The following DMD variants were observed in gnomAD, a reference collection of about 807,000 sequenced individuals.
DMD encodes the protein dystrophin.
A neutral mutation model predicts 330.1 loss-of-function variants in DMD; 63 were observed. That is an observed-to-expected ratio of 0.19 (90% CI 0.16 to 0.24). DMD has a LOEUF of 0.24. Among genes scored for constraint, DMD ranks in the 10% least tolerant of loss-of-function variants. The pLI, the probability that DMD is intolerant of heterozygous loss-of-function variation, is 1.00. For synonymous variants in DMD, 1,223 were observed against 959.8 expected, an observed-to-expected ratio of 1.27 and a Z score of -5.07; for missense variants, 3,344 against 2,684.1, an observed-to-expected ratio of 1.25 and a Z score of -5.43.
At chrX:32,483,558 C>T (rs971196851) in intron 21 of DMD, among the ~76,000 whole-genome samples, 1 of 109,075 alleles carries the variant, frequency 9.2e-6, no homozygotes, top group Admixed American at 9.9e-5. Context: ...GAAATGGCTC[C>T]TTTGCACAAC....
chrX:33,253,825 C>G (rs947306203), intron 1 of DMD, among the ~76,000 whole-genome samples: 1 of 110,885 alleles, frequency 9.0e-6, no homozygotes, highest in African/African-American at 3.3e-5. Context: ...AAACTCTAAT[C>G]CCCATTCTTA....
intron 4 of DMD, among the ~76,000 whole-genome samples, chrX:32,837,582 C>A (rs2079764857): frequency 1.8e-5 from 2 of 111,737 alleles, no homozygotes; most frequent in Admixed American, 1.9e-4. Flanking sequence ...ATAGTTTCTT[C>A]CTTTAATCCT....
At chrX:32,644,062 A>C (rs2059636133) in intron 11 of DMD, 70 bp downstream of exon 11, 2 of 953,736 alleles carry the variant, frequency 2.1e-6, no homozygotes, top group Non-Finnish European at 2.9e-6. Flanking sequence ...TAACCATCAA[A>C]CCACATCAAA....
At chrX:31,261,102 A>C in intron 62 of DMD, 86 bp from the exon 63 acceptor site, 1 of 855,629 alleles carries the variant, frequency 1.2e-6, no homozygotes, top group Non-Finnish European at 1.7e-6. Context: ...AATAACAACA[A>C]CATGATTTTT....
chrX:32,809,259 A>G (rs1164698191), intron 7 of DMD, among the ~76,000 whole-genome samples: 1 of 112,104 alleles, frequency 8.9e-6, no homozygotes, highest in African/African-American at 3.2e-5. Context: ...CACATTTTAA[A>G]GGCTTTTTTC....
At chrX:33,297,621 T>C (rs962310767) in intron 1 of DMD, among the ~76,000 whole-genome samples, 3 of 111,415 alleles carry the variant, frequency 2.7e-5, no homozygotes, top group African/African-American at 9.7e-5. Flanking sequence ...AAAGAAATTA[T>C]GGTATGTATA....
At chrX:31,729,591 C>T in intron 52 of DMD, 40 bp downstream of exon 52, 2 of 1,002,930 alleles carry the variant, frequency 2.0e-6, no homozygotes, top group African/African-American at 1.9e-5. Flanking sequence ...ACTTGTCATG[C>T]ATCTTGCTTT....
Position 31,256,726 on chromosome X carries a change from T to C in DMD, c.9286+4229A>G, listed in dbSNP as rs138587636. Reference sequence around the variant, plus strand: ...TCAGGGTCCTTAAGTATAAATTATCTACATATATGTGGGGCGTGTGTGTGT... The same window carrying C: ...TCAGGGTCCTTAAGTATAAATTATCCACATATATGTGGGGCGTGTGTGTGT... On this transcript the variant is annotated intron_variant, in intron 63 of 78. Coordinates refer to ENST00000357033, the MANE Select transcript of DMD (RefSeq NM_004006.3). Among the ~76,000 whole-genome samples, 872 of 98,833 alleles carry C rather than the reference T, an allele frequency of 8.8e-3. 9 individuals are homozygous for C. Among genetic ancestry groups the C allele is most frequent in the African/African-American group, 0.032 (823 of 25,809 alleles). The allele number at this position is 98,833 out of a possible 115,157, so 85.8% of individuals were successfully genotyped here.
intron 1 of DMD, among the ~76,000 whole-genome samples, chrX:33,127,073 T>A (rs1283468491): frequency 9.0e-6 from 1 of 111,078 alleles, no homozygotes; most frequent in Non-Finnish European, 1.9e-5. Context: ...ATGGGAAAAT[T>A]TGAGATCCAA....
chrX:33,242,920 C>T (rs1304266263), intron 1 of DMD, among the ~76,000 whole-genome samples: 2 of 111,784 alleles, frequency 1.8e-5, no homozygotes, highest in Non-Finnish European at 3.8e-5. Flanking sequence ...TATTCATATC[C>T]TTAGAACACT....
At chrX:32,792,930 C>A (rs1300250812) in intron 7 of DMD, among the ~76,000 whole-genome samples, 1 of 111,999 alleles carries the variant, frequency 8.9e-6, no homozygotes, top group Non-Finnish European at 1.9e-5. Context: ...GAAACATTGG[C>A]TTGAAACTGC....
intron 55 of DMD, among the ~76,000 whole-genome samples, chrX:31,581,904 A>G (rs886855362): frequency 1.3e-4 from 15 of 111,830 alleles, no homozygotes; most frequent in Non-Finnish European, 2.6e-4. Flanking sequence ...CCATTTTAAT[A>G]TTAAAACATC....
At chrX:33,295,810 C>A (rs1251541301) in intron 1 of DMD, among the ~76,000 whole-genome samples, 1 of 110,859 alleles carries the variant, frequency 9.0e-6, no homozygotes, top group Non-Finnish European at 1.9e-5. Context: ...ATTGACTACT[C>A]CCTATCAGTT....
At chrX:33,182,037 T>G in intron 1 of DMD, among the ~76,000 whole-genome samples, 1 of 111,914 alleles carries the variant, frequency 8.9e-6, no homozygotes, top group Non-Finnish European at 1.9e-5. Flanking sequence ...ACTTATCCTC[T>G]ATTTACAGCT....
intron 74 of DMD, among the ~76,000 whole-genome samples, chrX:31,166,888 A>G (rs1370070266): frequency 9.0e-6 from 1 of 111,656 alleles, no homozygotes; most frequent in Non-Finnish European, 1.9e-5. Flanking sequence ...ATTTGCATCA[A>G]CCCCAGAGTC....
chrX:32,223,897 C>A (rs1329346877), intron 43 of DMD, among the ~76,000 whole-genome samples: 1 of 111,347 alleles, frequency 9.0e-6, no homozygotes, highest in Admixed American at 9.6e-5. Context: ...AAAATCTTAA[C>A]GTTACTATGA....
intron 52 of DMD, among the ~76,000 whole-genome samples, chrX:31,699,335 T>C (rs769288930): frequency 2.7e-5 from 3 of 112,399 alleles, no homozygotes; most frequent in Non-Finnish European, 5.6e-5. Flanking sequence ...CTTACAAGGT[T>C]TTTGTGAAGA....
chrX:33,046,286 T>G (rs1415271722), intron 1 of DMD, among the ~76,000 whole-genome samples: 1 of 111,729 alleles, frequency 9.0e-6, no homozygotes. Flanking sequence ...GAAATTTAAT[T>G]TAGCTATAGA....
chrX:33,231,877 T>A (rs1039096029), intron 1 of DMD, among the ~76,000 whole-genome samples: 19 of 111,662 alleles, frequency 1.7e-4, no homozygotes, highest in Admixed American at 4.8e-4. Context: ...TCTGCCTTTC[T>A]GTCTTATGTT....
Sources: allele counts gnomAD v4.1 joint callset (sites outside exome capture counted in the v4.1 genomes callset), GRCh38; gene constraint gnomAD v4.1.1; transcripts MANE v1.5; gene names NCBI Gene and HGNC (gene_info 2026-07-23, HGNC 2026-07-21).